Variants in STXBP5L observed in about 807,000 individuals in gnomAD.
STXBP5L encodes syntaxin binding protein 5L, also known as syntaxin-binding protein 5-like.
STXBP5L carries 65 observed loss-of-function variants against 144.5 expected under a neutral mutation model. That is an observed-to-expected ratio of 0.45 (90% CI 0.37 to 0.55). STXBP5L has a LOEUF of 0.55. Among genes scored for constraint, STXBP5L ranks in the 20% least tolerant of loss-of-function variants. The pLI is 0.00. For synonymous variants in STXBP5L, 505 were observed against 469.6 expected, an observed-to-expected ratio of 1.08 and a Z score of -0.97; for missense variants, 1,298 against 1,405.5, an observed-to-expected ratio of 0.92 and a Z score of 1.22.
intron 5 of STXBP5L, among the ~76,000 whole-genome samples, chr3:121,113,192 T>A (rs1245550955): frequency 6.6e-6 from 1 of 152,228 alleles, no homozygotes; most frequent in East Asian, 1.9e-4. Context: ...TGGAAGTGAC[T>A]ATGTAATATT....
chr3:121,109,067 G>T (rs2043853454), intron 5 of STXBP5L, among the ~76,000 whole-genome samples: 1 of 152,042 alleles, frequency 6.6e-6, no homozygotes, highest in Non-Finnish European at 1.5e-5. Flanking sequence ...ATAGTTGTTT[G>T]CATTTCTGTG....
intron 22 of STXBP5L, among the ~76,000 whole-genome samples, chr3:121,404,333 A>G (rs1417731668): frequency 6.6e-6 from 1 of 152,096 alleles, no homozygotes; most frequent in Non-Finnish European, 1.5e-5. Flanking sequence ...CACCATCTGT[A>G]CTATTACCAC....
chr3:121,418,458 G>T lies in STXBP5L; in HGVS notation c.3348G>T (p.Arg1116=). Residue 1116 remains arginine, a synonymous_variant, in exon 26 of 27, where the codon CGG becomes CGT. Transcript: ENST00000471454. ...GGVMGELTRA[R]IALDERGQRL... ...TGATGGGAGAGCTGACCCGTGCACGGATTGCACTTGATGAAAGAGGACAGA... is the reference window on the plus strand; with the variant it reads ...TGATGGGAGAGCTGACCCGTGCACGTATTGCACTTGATGAAAGAGGACAGA... 6.2e-7 allele frequency: 1 copy of T among 1,614,090 alleles called. No homozygotes were observed.
intron 11 of STXBP5L, among the ~76,000 whole-genome samples, chr3:121,227,153 C>G (rs1475605585): frequency 6.6e-6 from 1 of 152,082 alleles, no homozygotes; most frequent in Non-Finnish European, 1.5e-5. Context: ...CACCTTTGTT[C>G]AATAGAGGAT....
intron 5 of STXBP5L, among the ~76,000 whole-genome samples, chr3:121,052,307 G>A (rs1032444259): frequency 5.9e-5 from 9 of 152,070 alleles, no homozygotes; most frequent in Non-Finnish European, 1.2e-4. Context: ...GAGAATTTAA[G>A]ACCAATATCC....
At chr3:121,210,127 TA>T (rs1409346523) in intron 10 of STXBP5L, among the ~76,000 whole-genome samples, 9 of 152,246 alleles carry the variant, frequency 5.9e-5, no homozygotes, top group Admixed American at 2.0e-4. Context: ...ATCGCCATTC[TA>T]ACTGGTGTGA....
At chr3:121,090,070 A>G (rs1035436126) in intron 5 of STXBP5L, among the ~76,000 whole-genome samples, 3 of 152,034 alleles carry the variant, frequency 2.0e-5, no homozygotes, top group East Asian at 1.9e-4. Context: ...GCTAGTAACT[A>G]TTGCCTTTTT....
intron 20 of STXBP5L, chr3:121,324,644 TAGGCTTCA>T: frequency 1.6e-6 from 1 of 636,024 alleles, no homozygotes; most frequent in East Asian, 2.8e-5. Context: ...CACAATTTTC[TAGGCTTCA>T]CAACTTGTCT....
At chr3:120,938,375 A>G (rs1710378860) in intron 2 of STXBP5L, among the ~76,000 whole-genome samples, 1 of 152,138 alleles carries the variant, frequency 6.6e-6, no homozygotes, top group Non-Finnish European at 1.5e-5. Context: ...TACTACATTA[A>G]ATGTCTTTGT....
chr3:121,255,028 G>T lies in STXBP5L; in HGVS notation c.1575G>T (p.Glu525Asp). The change falls in exon 16 of 27, where the codon GAG becomes GAT. Residue 525 changes from glutamate to aspartate, a missense_variant. Transcript: ENST00000471454. ...TTCAGATGATTTACTGGTGTCCAGAGAGCAGAATATTCTGTGTATCAGGAG... is the reference window on the plus strand; with the variant it reads ...TTCAGATGATTTACTGGTGTCCAGATAGCAGAATATTCTGTGTATCAGGAG... ...FAIQMIYWCP[E>D]SRIFCVSGVS... 6.2e-7 allele frequency: 1 copy of T among 1,613,540 alleles called. No individual in the cohort carries two copies. Among genetic ancestry groups the T allele is most frequent in the Non-Finnish European group, 8.5e-7 (1 of 1,179,664 alleles).
At chr3:121,220,349 A>C (rs1178495342) in intron 10 of STXBP5L, among the ~76,000 whole-genome samples, 1 of 152,118 alleles carries the variant, frequency 6.6e-6, no homozygotes, top group African/African-American at 2.4e-5. Flanking sequence ...CATTTCAAGT[A>C]TATGGTCATT....
chr3:121,344,176 T>A (rs2044852236), intron 20 of STXBP5L, among the ~76,000 whole-genome samples: 1 of 152,030 alleles, frequency 6.6e-6, no homozygotes, highest in Non-Finnish European at 1.5e-5. Context: ...TAAATGGTGC[T>A]GGGAAAACTG....
intron 3 of STXBP5L, among the ~76,000 whole-genome samples, chr3:121,007,750 T>C (rs1944453335): frequency 6.6e-6 from 1 of 152,036 alleles, no homozygotes; most frequent in South Asian, 2.1e-4. Context: ...AAGCTTGCAC[T>C]GCTTGTAGTT....
rs2047312507 is a variant in STXBP5L, at chr3:121,419,375, A to C, written c.*278A>C. The C allele has an allele frequency of 6.6e-6, 2 of 302,260 alleles. No individual in the cohort carries two copies. Among genetic ancestry groups the C allele is most frequent in the Non-Finnish European group, 1.2e-5 (2 of 166,022 alleles). 18.7% of individuals were successfully genotyped at this position (302,260 alleles called of 1,614,324 possible). A position where few individuals can be genotyped will look rare whatever the true frequency, so the allele number is the denominator to read the frequency against. ...ATTCGATAAGGATTTATATTTAGTA[A>C]CTACGGGGAGTCCTCTTGATTTGAA... is the stretch of plus-strand genomic sequence containing the variant. On this transcript the variant is annotated 3_prime_UTR_variant, in exon 27 of 27. Coordinates refer to ENST00000471454, the MANE Select transcript of STXBP5L (RefSeq NM_001308330.2).
Position 121,415,981 on chromosome 3 carries a change from C to T in STXBP5L, c.3226+13C>T. ...AGAGAAGAGCTCTGTGAGTAAATTC[C>T]TGATTATAGAAATGTATTGCAAAAT... On this transcript the variant is annotated intron_variant, in intron 25 of 26. Coordinates refer to ENST00000471454, the MANE Select transcript of STXBP5L (RefSeq NM_001308330.2). The T allele has an allele frequency of 6.9e-6, 11 of 1,602,512 alleles. No individual in the cohort carries two copies. Among genetic ancestry groups the T allele is most frequent in the Non-Finnish European group, 8.5e-6 (10 of 1,171,180 alleles).
intron 3 of STXBP5L, among the ~76,000 whole-genome samples, chr3:120,979,237 A>C (rs946687657): frequency 6.6e-6 from 1 of 152,208 alleles, no homozygotes; most frequent in Non-Finnish European, 1.5e-5. Flanking sequence ...TTACCTAAGC[A>C]AGCCTGGGCA....
intron 10 of STXBP5L, among the ~76,000 whole-genome samples, chr3:121,221,872 GT>G (rs1460877079): frequency 6.6e-6 from 1 of 151,162 alleles, no homozygotes; most frequent in African/African-American, 2.4e-5. Flanking sequence ...TAGAAGCTTT[GT>G]TAAAAAAAAA....
chr3:121,385,295 C>A (rs1206782465), intron 22 of STXBP5L, among the ~76,000 whole-genome samples: 2 of 151,850 alleles, frequency 1.3e-5, no homozygotes, highest in African/African-American at 2.4e-5. Context: ...TGGTGGAAGG[C>A]AAAGAGGGAA....
At chr3:121,080,582 C>A (rs1287530523) in intron 5 of STXBP5L, among the ~76,000 whole-genome samples, 5 of 152,286 alleles carry the variant, frequency 3.3e-5, no homozygotes, top group Admixed American at 1.3e-4. Context: ...ATTCATGAAG[C>A]TTAATTTTGC....
Sources: allele counts gnomAD v4.1 joint callset (sites outside exome capture counted in the v4.1 genomes callset), GRCh38; gene constraint gnomAD v4.1.1; transcripts MANE v1.5; gene names NCBI Gene and HGNC (gene_info 2026-07-23, HGNC 2026-07-21).